Variants in NPHS2 observed in about 807,000 individuals in gnomAD.
The protein encoded by NPHS2 is NPHS2 stomatin family member, podocin.
In NPHS2, 36 loss-of-function variants were observed where a neutral mutation model predicts 37.1. That is an observed-to-expected ratio of 0.97 (90% confidence interval 0.74 to 1.28). NPHS2 has a LOEUF of 1.28. Ranked by LOEUF, NPHS2 falls within the 50% of genes most tolerant of loss-of-function variation. NPHS2 has a pLI of 0.00. For missense variants in NPHS2, 447 were observed against 488.1 expected, an observed-to-expected ratio of 0.92 and a Z score of 0.79; for synonymous variants, 196 against 189.3, an observed-to-expected ratio of 1.04 and a Z score of -0.29.
At chr1:179,571,795 G>A (rs114613892) in intron 1 of NPHS2, among the ~76,000 whole-genome samples, 4 of 152,194 alleles carry the variant, frequency 2.6e-5, no homozygotes, top group Middle Eastern at 3.2e-3. Context: ...CACCCCCAGC[G>A]AGGCTGCGGC....
chr1:179,557,244 AG>A lies in NPHS2; in HGVS notation c.535-15del. 1 of 1,610,164 alleles carries A rather than the reference AG, an allele frequency of 6.2e-7. No individual in the cohort carries two copies. On this transcript the variant is annotated splice_polypyrimidine_tract_variant and intron_variant, in intron 4 of 7. Coordinates refer to ENST00000367615, the MANE Select transcript of NPHS2 (RefSeq NM_014625.4). The stretch of plus-strand genomic sequence containing the variant: ...TTTGGTCACGATCTAGGCAGAAAAA[AG>A]TTTGGATGACAGGCTTGATTCTTGG...
At chr1:179,559,350 G>A (rs1393276838) in intron 4 of NPHS2, among the ~76,000 whole-genome samples, 3 of 152,318 alleles carry the variant, frequency 2.0e-5, no homozygotes, top group East Asian at 1.9e-4. Context: ...GGCCTAGCCA[G>A]GCTGACACAT....
At chr1:179,552,448 C>T in intron 7 of NPHS2, 155 bp downstream of exon 7, 2 of 683,360 alleles carry the variant, frequency 2.9e-6, no homozygotes, top group Non-Finnish European at 5.3e-6. Flanking sequence ...GGACTATTAA[C>T]ACACTTTAAG....
At position 179,551,067 on chromosome 1, in the gene NPHS2, A is replaced by G. The variant is rs578161646; in HGVS notation, c.*106T>C. 5.7e-6 allele frequency: 8 copies of G among 1,407,682 alleles called. No individual in the cohort carries two copies. The South Asian group carries it at 7.1e-5, about 12-fold the overall frequency. 87.2% of individuals were successfully genotyped at this position (1,407,682 alleles called of 1,614,324 possible). The stretch of plus-strand genomic sequence containing the variant: ...ACTTCGTGCATTCCATGGCCATTCC[A>G]TATGGCAACCAAAGGAAGGGCAGGG... On this transcript the variant is annotated 3_prime_UTR_variant, in exon 8 of 8. Transcript: ENST00000367615.
Position 179,557,195 on chromosome 1 carries a change from A to G in NPHS2, c.570T>C (p.Asp190=), listed in dbSNP as rs764648330. ...VTKDMFIMEI[D]AICYYRMENA... The stretch of plus-strand genomic sequence containing the variant: ...TTTCCATTCGGTAGTAGCAAATGGC[A>G]TCTATCTCCATTATAAACATGTCTT... Residue 190 remains aspartate, a synonymous_variant, in exon 5 of 8, where the codon GAT becomes GAC. Coordinates refer to ENST00000367615, the MANE Select transcript of NPHS2 (RefSeq NM_014625.4). 6 of 1,614,050 alleles carry G rather than the reference A, an allele frequency of 3.7e-6. No homozygotes were observed. Among genetic ancestry groups the G allele is most frequent in the Non-Finnish European group, 5.1e-6 (6 of 1,179,968 alleles).
At position 179,575,808 on chromosome 1, in the gene NPHS2, A is replaced by C. The variant is rs1674746568; in HGVS notation, c.57T>G (p.Thr19=). Residue 19 remains threonine (T), a synonymous_variant, in exon 1 of 8, where the codon ACT becomes ACG. Coordinates refer to ENST00000367615, the MANE Select transcript of NPHS2 (RefSeq NM_014625.4). ...SRESRGRGGR[T]PHKENKRAKA... ...TTGCCCTCTTGTTCTCCTTGTGCGG[A>C]GTCCTGCCGCCTCGCCCGCGGGACT... The C allele has an allele frequency of 6.8e-7, 1 of 1,467,708 alleles. No homozygotes were observed. Among genetic ancestry groups the C allele is most frequent in the Non-Finnish European group, 8.9e-7 (1 of 1,118,562 alleles). The allele number at this position is 1,467,708 out of a possible 1,614,324, so 90.9% of individuals were successfully genotyped here.
chr1:179,564,126 A>G (rs1674248411), intron 2 of NPHS2, among the ~76,000 whole-genome samples: 1 of 152,226 alleles, frequency 6.6e-6, no homozygotes. Context: ...TCAGGCCTGC[A>G]TAACTGTCTG....
intron 5 of NPHS2, chr1:179,554,774 C>A (rs2125781462): frequency 1.7e-6 from 1 of 582,788 alleles, no homozygotes; most frequent in South Asian, 2.1e-5. Flanking sequence ...CCAAAGATAT[C>A]CCATGTCCTA....
chr1:179,572,662 C>T, intron 1 of NPHS2, among the ~76,000 whole-genome samples: 1 of 152,216 alleles, frequency 6.6e-6, no homozygotes, highest in African/African-American at 2.4e-5. Context: ...CTTACTAAAG[C>T]AATATTATTT....
Position 179,551,066 on chromosome 1 carries a change from C to T in NPHS2, c.*107G>A. The T allele has an allele frequency of 7.1e-7, 1 of 1,407,302 alleles. No homozygotes were observed. Among genetic ancestry groups the T allele is most frequent in the South Asian group, 1.2e-5 (1 of 84,510 alleles). The allele number at this position is 1,407,302 out of a possible 1,614,324, so 87.2% of individuals were successfully genotyped here. ...GACTTCGTGCATTCCATGGCCATTC[C>T]ATATGGCAACCAAAGGAAGGGCAGG... On this transcript the variant is annotated 3_prime_UTR_variant, in exon 8 of 8. Coordinates refer to ENST00000367615, the MANE Select transcript of NPHS2 (RefSeq NM_014625.4).
chr1:179,566,585 T>C (rs12238985), intron 1 of NPHS2, among the ~76,000 whole-genome samples: 18,226 of 152,174 alleles, frequency 0.12, 1,258 homozygotes, highest in African/African-American at 0.17. Flanking sequence ...CCCATTTGTC[T>C]ATTTTGGCTT....
At chr1:179,575,479 C>T in intron 1 of NPHS2, 112 bp downstream of exon 1, 1 of 1,443,588 alleles carries the variant, frequency 6.9e-7, no homozygotes, top group South Asian at 1.2e-5. Context: ...CCTGAGCATC[C>T]AGCAATCTGC....
intron 2 of NPHS2, among the ~76,000 whole-genome samples, chr1:179,563,653 A>G (rs578162726): frequency 7.2e-5 from 11 of 152,404 alleles, no homozygotes; most frequent in South Asian, 4.1e-4. Flanking sequence ...TTAGAAATCA[A>G]TAACAGAAGG....
At chr1:179,575,118 C>T (rs148399558) in intron 1 of NPHS2, among the ~76,000 whole-genome samples, 4 of 152,274 alleles carry the variant, frequency 2.6e-5, no homozygotes, top group East Asian at 1.9e-4. Flanking sequence ...GGCTCTGCTG[C>T]GACTGCTTTT....
At chr1:179,561,105 A>G (rs1351435115) in intron 3 of NPHS2, among the ~76,000 whole-genome samples, 184 bp downstream of exon 3, 2 of 152,208 alleles carry the variant, frequency 1.3e-5, no homozygotes, top group Admixed American at 6.5e-5. Flanking sequence ...TTGGCTACCT[A>G]TGACCTAGTA....
rs750515960 is a variant in NPHS2, at chr1:179,575,844, G to T, written c.21C>A (p.Ser7Arg). 3.5e-6 allele frequency: 5 copies of T among 1,431,756 alleles called. No individual in the cohort carries two copies. Among genetic ancestry groups the T allele is most frequent in the Non-Finnish European group, 4.5e-6 (5 of 1,101,738 alleles). The allele number at this position is 1,431,756 out of a possible 1,614,324, so 88.7% of individuals were successfully genotyped here. The change falls in exon 1 of 8, where the codon AGC (serine) becomes AGA (arginine). Residue 7 changes from serine (S) to arginine (R), a missense_variant. By Grantham distance (110) the Ser-to-Arg change is moderately radical. Transcript: ENST00000367615. ...CTCGCCCGCGGGACTCCCTGGAGGA[G>T]CTCCGCGCCCTCCTCTCCATCCTCA... MERRARSSSRESRGRGG... is the reference protein window; with the variant it reads MERRARRSSRESRGRGG...
At chr1:179,575,119 G>T (rs76423269) in intron 1 of NPHS2, among the ~76,000 whole-genome samples, 3 of 152,230 alleles carry the variant, frequency 2.0e-5, no homozygotes, top group Middle Eastern at 3.4e-3. Context: ...GCTCTGCTGC[G>T]ACTGCTTTTC....
intron 4 of NPHS2, among the ~76,000 whole-genome samples, chr1:179,558,803 T>C (rs1450377927): frequency 2.0e-5 from 3 of 152,150 alleles, no homozygotes; most frequent in Non-Finnish European, 4.4e-5. Context: ...AAAGTGATAT[T>C]TTGTGATATT....
rs1278726980 is a variant in NPHS2, at chr1:179,550,854, G to A, written c.*319C>T. 1.0e-5 allele frequency: 4 copies of A among 393,172 alleles called. No individual in the cohort carries two copies. Among genetic ancestry groups the A allele is most frequent in the South Asian group, 8.8e-5 (4 of 45,266 alleles). The allele number at this position is 393,172 out of a possible 1,614,324, so 24.4% of individuals were successfully genotyped here. A position where few individuals can be genotyped will look rare whatever the true frequency, so the allele number is the denominator to read the frequency against. ...AGGGGTCAGAGGACATACAGTGAAA[G>A]GGACATCTGAACCAAGTTCCCAGAA... On this transcript the variant is annotated 3_prime_UTR_variant, in exon 8 of 8. Coordinates refer to ENST00000367615, the MANE Select transcript of NPHS2 (RefSeq NM_014625.4).
Sources: gnomAD v4.1 joint callset for allele counts (sites outside exome capture counted in the v4.1 genomes callset) on GRCh38, gnomAD v4.1.1 for gene constraint, MANE v1.5 for transcripts, NCBI Gene and HGNC (gene_info 2026-07-23, HGNC 2026-07-21) for gene names.